BMPER: variants seen among roughly 807,000 people sequenced by gnomAD.
BMPER encodes BMP binding endothelial regulator, also known as BMP-binding endothelial regulator protein.
A neutral mutation model predicts 87.3 loss-of-function variants in BMPER; 45 were observed. The observed-to-expected ratio is 0.52, with a 90% CI of 0.41 to 0.66. The LOEUF (loss-of-function observed/expected upper bound fraction) is 0.66, where lower values mean the gene tolerates loss of function less well. BMPER is among the 30% of genes least tolerant of loss of function. The probability of loss-of-function intolerance (pLI) is 0.00; values close to 1 mark genes in which losing one functional copy is unlikely to be tolerated. For synonymous variants in BMPER, 326 were observed against 316.2 expected, an observed-to-expected ratio of 1.03 and a Z score of -0.33; for missense variants, 784 against 867.5, an observed-to-expected ratio of 0.90 and a Z score of 1.21.
intron 3 of BMPER, among the ~76,000 whole-genome samples, chr7:33,963,513 G>C (rs1484244696): frequency 6.6e-6 from 1 of 152,108 alleles, no homozygotes; most frequent in Non-Finnish European, 1.5e-5. Context: ...AAAAACAAAG[G>C]CTGGGCGCGG....
chr7:33,971,937 C>G (rs911796427), intron 5 of BMPER, among the ~76,000 whole-genome samples: 1 of 152,206 alleles, frequency 6.6e-6, no homozygotes, highest in African/African-American at 2.4e-5. Context: ...GAGTCTCACT[C>G]TGTCGCCCCG....
intron 2 of BMPER, among the ~76,000 whole-genome samples, chr7:33,927,796 T>C (rs1459555055): frequency 6.6e-6 from 1 of 152,132 alleles, no homozygotes; most frequent in African/African-American, 2.4e-5. Flanking sequence ...CTACAGGTAG[T>C]TGGAGTTGGA....
At chr7:34,065,074 A>G (rs1788540354) in intron 11 of BMPER, among the ~76,000 whole-genome samples, 1 of 152,210 alleles carries the variant, frequency 6.6e-6, no homozygotes, top group Non-Finnish European at 1.5e-5. Context: ...TTTCTAGAGT[A>G]GAGAAAGCAA....
intron 6 of BMPER, among the ~76,000 whole-genome samples, chr7:33,979,167 A>G (rs1014333470): frequency 6.6e-6 from 1 of 151,974 alleles, no homozygotes; most frequent in African/African-American, 2.4e-5. Context: ...GTGCATACGC[A>G]TATGCATACA....
intron 6 of BMPER, among the ~76,000 whole-genome samples, chr7:34,040,705 T>C (rs1787810996): frequency 6.6e-6 from 1 of 152,146 alleles, no homozygotes; most frequent in Non-Finnish European, 1.5e-5. Context: ...CCTGTGTTAG[T>C]GGATTATAAA....
In BMPER at chr7:34,019,384, G is replaced by A. The variant is rs78971698; in HGVS notation, c.577-26922G>A. 1.6e-4 allele frequency among the ~76,000 whole-genome samples: 25 copies of A among 152,116 alleles called. No individual in the cohort carries two copies. In the East Asian group the frequency reaches 3.9e-3, roughly 24 times the overall value. ...GCTTCACTACCCAAGACTGACTCTC[G>A]TCTCAGCACCTCCAACTCAGATTTT... On this transcript the variant is annotated intron_variant, in intron 6 of 14. Coordinates refer to ENST00000649409, the MANE Select transcript of BMPER (RefSeq NM_001365308.1).
chr7:34,062,250 A>G (rs1788456641), intron 11 of BMPER, among the ~76,000 whole-genome samples: 1 of 152,224 alleles, frequency 6.6e-6, no homozygotes, highest in Admixed American at 6.5e-5. Context: ...AGATACTTCC[A>G]TCAGAATTTG....
intron 13 of BMPER, among the ~76,000 whole-genome samples, chr7:34,141,610 C>CAAAAAAAAAA (rs70997567): frequency 1.8e-5 from 1 of 55,026 alleles, no homozygotes; most frequent in Non-Finnish European, 3.3e-5. Context: ...AACACCATCT[C>CAAAAAAAAAA]AAAAAAAAAA....
chr7:34,051,812 G>T lies in BMPER; in HGVS notation c.677-49G>T, dbSNP rs773121657. On this transcript the variant is annotated intron_variant, in intron 7 of 14. Transcript: ENST00000649409. ...GATGGAATCACCGATGACAAAATGG[G>T]ACATCCCCGATTCTGTCTTACTTAC... The T allele has an allele frequency of 1.6e-5, 24 of 1,473,774 alleles. No homozygotes were observed. The South Asian group carries it at 2.6e-4, about 16-fold the overall frequency. The allele number at this position is 1,473,774 out of a possible 1,614,324, so 91.3% of individuals were successfully genotyped here. A position where few individuals can be genotyped will look rare whatever the true frequency, so the allele number is the denominator to read the frequency against.
At chr7:34,143,991 G>A (rs1790949891) in intron 14 of BMPER, among the ~76,000 whole-genome samples, 1 of 152,184 alleles carries the variant, frequency 6.6e-6, no homozygotes, top group South Asian at 2.1e-4. Context: ...AGCCTAGTGG[G>A]AGAAACAGAC....
intron 3 of BMPER, among the ~76,000 whole-genome samples, chr7:33,946,883 T>A (rs952135350): frequency 1.3e-5 from 2 of 152,254 alleles, no homozygotes; most frequent in African/African-American, 4.8e-5. Flanking sequence ...TTCCATTCAT[T>A]TATTAATTTA....
At chr7:34,100,844 C>T (rs1018988594) in intron 13 of BMPER, among the ~76,000 whole-genome samples, 16 of 152,174 alleles carry the variant, frequency 1.1e-4, no homozygotes, top group Non-Finnish European at 1.6e-4. Flanking sequence ...TTGCTACCCA[C>T]GTATACACAC....
At chr7:34,032,025 A>AT (rs1491483556) in intron 6 of BMPER, among the ~76,000 whole-genome samples, 13 of 147,724 alleles carry the variant, frequency 8.8e-5, no homozygotes, top group African/African-American at 2.2e-4. Flanking sequence ...ATATATATAT[A>AT]AAATAGTTAA....
At chr7:34,125,026 T>A (rs1267404697) in intron 13 of BMPER, among the ~76,000 whole-genome samples, 1 of 152,128 alleles carries the variant, frequency 6.6e-6, no homozygotes, top group South Asian at 2.1e-4. Context: ...TTGGTTATGA[T>A]ATATTATTCT....
At chr7:33,989,328 T>G (rs898086170) in intron 6 of BMPER, among the ~76,000 whole-genome samples, 1 of 150,876 alleles carries the variant, frequency 6.6e-6, no homozygotes, top group African/African-American at 2.5e-5. Flanking sequence ...TGAGATGGTA[T>G]CTCATTGTGG....
chr7:33,965,750 A>C (rs1785389722), intron 3 of BMPER, among the ~76,000 whole-genome samples: 1 of 152,162 alleles, frequency 6.6e-6, no homozygotes, highest in Non-Finnish European at 1.5e-5. Flanking sequence ...TGATTTCCAC[A>C]CTATTGTTTC....
intron 6 of BMPER, among the ~76,000 whole-genome samples, chr7:34,009,682 TC>T (rs1407880316): frequency 1.3e-5 from 2 of 152,114 alleles, no homozygotes; most frequent in African/African-American, 4.8e-5. Flanking sequence ...AGGGGAGGCA[TC>T]CTTGGACAAA....
intron 13 of BMPER, among the ~76,000 whole-genome samples, chr7:34,111,038 G>A (rs1390612256): frequency 1.3e-5 from 2 of 152,168 alleles, no homozygotes; most frequent in African/African-American, 4.8e-5. Context: ...TGCTTTGAAA[G>A]CAAAACAAGG....
chr7:34,044,044 A>G (rs1413931940), intron 6 of BMPER, among the ~76,000 whole-genome samples: 1 of 152,228 alleles, frequency 6.6e-6, no homozygotes, highest in Non-Finnish European at 1.5e-5. Flanking sequence ...CTTTGGAGGC[A>G]TTAATTGGAA....
Sources: gnomAD v4.1 joint callset for allele counts (sites outside exome capture counted in the v4.1 genomes callset) on GRCh38, gnomAD v4.1.1 for gene constraint, MANE v1.5 for transcripts, NCBI Gene and HGNC (gene_info 2026-07-23, HGNC 2026-07-21) for gene names.